ADCY5: variants seen among roughly 807,000 people sequenced by gnomAD.
ADCY5 encodes the protein adenylate cyclase 5.
Under a neutral mutation model 119.7 loss-of-function variants are expected in ADCY5, and 30 were observed. The observed-to-expected ratio is 0.25, with a 90% CI of 0.19 to 0.34. ADCY5 has a LOEUF of 0.34. ADCY5 is among the 10% of genes least tolerant of loss of function. ADCY5 has a pLI of 1.00. For synonymous variants in ADCY5, 753 were observed against 762.2 expected (o/e 0.99, Z 0.20); for missense variants, 1,324 against 1,775.2 (o/e 0.75, Z 4.57).
intron 17 of ADCY5, among the ~76,000 whole-genome samples, chr3:123,291,698 C>T (rs1939163836): frequency 6.6e-6 from 1 of 152,216 alleles, no homozygotes; most frequent in Middle Eastern, 3.2e-3. Flanking sequence ...TGCAAGGATC[C>T]TGTCTGCCAA....
In ADCY5 at chr3:123,282,912, G is replaced by GGAAA. The variant is rs1938467238; in HGVS notation, c.*1692_*1695dup. The stretch of plus-strand genomic sequence containing the variant: ...AGATCATTCTAACCTGAGAAGCAAT[G>GGAAA]GAAAGATTTGGGCATGGGCCCTAAG... On this transcript the variant is annotated 3_prime_UTR_variant, in exon 21 of 21. Transcript: ENST00000462833. 6.6e-6 allele frequency: 1 copy of GGAAA among 152,236 alleles called. No homozygotes were observed. The highest frequency in any genetic ancestry group is 2.4e-5 in the African/African-American group (1 of 41,448). The allele number at this position is 152,236 out of a possible 1,614,324, so 9.4% of individuals were successfully genotyped here.
chr3:123,364,705 A>C (rs981746381), intron 1 of ADCY5, among the ~76,000 whole-genome samples: 4 of 152,250 alleles, frequency 2.6e-5, no homozygotes, highest in Admixed American at 2.6e-4. Flanking sequence ...ATTTACAAAA[A>C]TAAAAAGTAT....
intron 11 of ADCY5, among the ~76,000 whole-genome samples, chr3:123,314,782 C>G (rs939516361): frequency 1.1e-4 from 17 of 152,044 alleles, no homozygotes; most frequent in African/African-American, 4.1e-4. Context: ...GGATCAGTAG[C>G]CTTCATTTCT....
rs772583101 is a variant in ADCY5 at position 123,286,666 on chromosome 3, T to C, written c.3657+19A>G. On this transcript the variant is annotated intron_variant, in intron 20 of 20. Transcript: ENST00000462833. This position sits in a 1 kb window ranked among gnomAD's most constrained non-coding sequence, Gnocchi z 4.2. Reference sequence around the variant, plus strand: ...GGACCTCCCATGGGGTGAGGGGTGGTGGATGCTCCTGCACTCACCTGGATG... The same window carrying C: ...GGACCTCCCATGGGGTGAGGGGTGGCGGATGCTCCTGCACTCACCTGGATG... The C allele has an allele frequency of 1.4e-5, 23 of 1,591,996 alleles. No homozygotes were observed. Among genetic ancestry groups the C allele is most frequent in the Admixed American group, 1.1e-4 (6 of 56,676 alleles).
chr3:123,299,801 G>C (rs72964510), intron 15 of ADCY5, among the ~76,000 whole-genome samples: 1 of 152,224 alleles, frequency 6.6e-6, no homozygotes, highest in African/African-American at 2.4e-5. Context: ...CTTACTGCCC[G>C]GCTCTGCTGG....
chr3:123,387,606 C>T (rs1944265050), intron 1 of ADCY5, among the ~76,000 whole-genome samples: 1 of 152,214 alleles, frequency 6.6e-6, no homozygotes, highest in South Asian at 2.1e-4. Context: ...CCTGACCCGG[C>T]CCAGCCCAGT....
chr3:123,302,931 G>A, intron 14 of ADCY5, 124 bp downstream of exon 14: 1 of 1,169,140 alleles, frequency 8.6e-7, no homozygotes, highest in Non-Finnish European at 1.2e-6. Flanking sequence ...GGGGTAAGCA[G>A]GCCTCTAGAA....
At chr3:123,381,640 A>C (rs1396670067) in intron 1 of ADCY5, among the ~76,000 whole-genome samples, 1 of 152,218 alleles carries the variant, frequency 6.6e-6, no homozygotes, top group Non-Finnish European at 1.5e-5. Flanking sequence ...TTTTTGTACA[A>C]GGGGTCCCAT....
intron 1 of ADCY5, among the ~76,000 whole-genome samples, chr3:123,395,711 C>T (rs72966540): frequency 0.023 from 3,436 of 151,096 alleles, 141 homozygotes; most frequent in African/African-American, 0.079. Flanking sequence ...GACCCCGTCT[C>T]TACAAAAAAA....
At chr3:123,437,452 C>A (rs1327774669) in intron 1 of ADCY5, among the ~76,000 whole-genome samples, 1 of 152,134 alleles carries the variant, frequency 6.6e-6, no homozygotes, top group African/African-American at 2.4e-5. Context: ...GGTGCTGAAC[C>A]ATCTGTCACA....
In ADCY5 at chr3:123,283,838, A is replaced by C. The variant is rs1938545959; in HGVS notation, c.*770T>G. On this transcript the variant is annotated 3_prime_UTR_variant, in exon 21 of 21. Coordinates refer to ENST00000462833, the MANE Select transcript of ADCY5 (RefSeq NM_183357.3). ...TAATACAAAATAAAAAATACAAAAA[A>C]GACAAGTGGGGATCCCCGCCCTCCC... The C allele has an allele frequency of 6.6e-6, 1 of 152,222 alleles. No individual in the cohort carries two copies. Among genetic ancestry groups the C allele is most frequent in the Non-Finnish European group, 1.5e-5 (1 of 68,054 alleles). 9.4% of individuals were successfully genotyped at this position (152,222 alleles called of 1,614,324 possible). A position where few individuals can be genotyped will look rare whatever the true frequency, so the allele number is the denominator to read the frequency against.
intron 1 of ADCY5, among the ~76,000 whole-genome samples, chr3:123,355,483 C>T (rs899697964): frequency 6.6e-6 from 1 of 152,048 alleles, no homozygotes; most frequent in Non-Finnish European, 1.5e-5. Context: ...TACAGAGGGC[C>T]AACTGTACTA....
intron 12 of ADCY5, among the ~76,000 whole-genome samples, chr3:123,313,564 G>A (rs1473464960): frequency 6.6e-6 from 1 of 152,194 alleles, no homozygotes; most frequent in Admixed American, 6.5e-5. Flanking sequence ...AAGGCCTGAT[G>A]GGCAGGGCAA....
rs74595302 is a variant in ADCY5 at position 123,332,922 on chromosome 3, C to CT, written c.1407-248dup. The stretch of plus-strand genomic sequence containing the variant: ...AGAGTTTGCCACCCTACCTGGCTAA[C>CT]TTTTTTTTTTTTTTTGGGTAGAGAC... On this transcript the variant is annotated intron_variant, in intron 3 of 20. Coordinates refer to ENST00000462833, the MANE Select transcript of ADCY5 (RefSeq NM_183357.3). 9.4e-3 allele frequency among the ~76,000 whole-genome samples: 1,323 copies of CT among 140,656 alleles called. 17 individuals are homozygous for CT. The highest frequency in any genetic ancestry group is 0.026 in the African/African-American group (986 of 38,648). 92.3% of individuals were successfully genotyped at this position (140,656 alleles called of 152,430 possible).
At chr3:123,402,199 G>C (rs764677709) in intron 1 of ADCY5, among the ~76,000 whole-genome samples, 1 of 152,252 alleles carries the variant, frequency 6.6e-6, no homozygotes, top group Non-Finnish European at 1.5e-5. Context: ...ATGTTAAAGA[G>C]AAGGCAGAAC....
intron 17 of ADCY5, among the ~76,000 whole-genome samples, chr3:123,293,262 G>C (rs1442495517): frequency 6.6e-6 from 1 of 152,168 alleles, no homozygotes; most frequent in African/African-American, 2.4e-5. Flanking sequence ...TCCTTGTGCA[G>C]GTGCTTGAAG....
intron 1 of ADCY5, among the ~76,000 whole-genome samples, chr3:123,371,734 G>A (rs777253224): frequency 1.4e-4 from 22 of 152,272 alleles, no homozygotes; most frequent in Admixed American, 2.6e-4. Flanking sequence ...GGCCAGGCCA[G>A]GTGTGGGTAG....
chr3:123,418,165 C>A (rs1398611191), intron 1 of ADCY5, among the ~76,000 whole-genome samples: 1 of 152,180 alleles, frequency 6.6e-6, no homozygotes, highest in East Asian at 1.9e-4. Context: ...TCCCACCTTA[C>A]CACCTGGTCC....
At chr3:123,445,478 T>A (rs1945798197) in intron 1 of ADCY5, among the ~76,000 whole-genome samples, 1 of 152,030 alleles carries the variant, frequency 6.6e-6, no homozygotes, top group Non-Finnish European at 1.5e-5. Context: ...AAAATCTCCA[T>A]ATGGATGACA....
Sources: allele counts gnomAD v4.1 joint callset (sites outside exome capture counted in the v4.1 genomes callset), GRCh38; gene constraint gnomAD v4.1.1; non-coding constraint Gnocchi (gnomAD v3.1); transcripts MANE v1.5; gene names NCBI Gene and HGNC (gene_info 2026-07-23, HGNC 2026-07-21).